Variants in CCDC146 observed in about 807,000 individuals in gnomAD.
The protein encoded by CCDC146 is coiled-coil domain containing 146.
CCDC146 carries 92 observed loss-of-function variants against 119.3 expected under a neutral mutation model. That is an observed-to-expected ratio of 0.77 (90% CI 0.65 to 0.92). CCDC146 has a LOEUF of 0.92. CCDC146 is among the 40% of genes least tolerant of loss of function. The probability of loss-of-function intolerance (pLI) is 0.00; values close to 1 mark genes in which losing one functional copy is unlikely to be tolerated. For missense variants in CCDC146, 1,000 were observed against 1,103.0 expected (o/e 0.91, Z 1.32); for synonymous variants, 372 against 371.8 (o/e 1.00, Z -0.01).
intron 17 of CCDC146, 72 bp from the exon 18 acceptor site, chr7:77,292,880 A>T (rs1793975603): frequency 1.3e-6 from 2 of 1,505,348 alleles, no homozygotes; most frequent in Non-Finnish European, 1.8e-6. Context: ...CATTATAGAC[A>T]GCCAGCAGCC....
At chr7:77,148,422 C>G (rs1246783547) in intron 1 of CCDC146, among the ~76,000 whole-genome samples, 1 of 152,082 alleles carries the variant, frequency 6.6e-6, no homozygotes, top group Non-Finnish European at 1.5e-5. Context: ...CTCTCCTGCC[C>G]CCACTGTTCA....
At chr7:77,244,915 A>G (rs1160016232) in intron 4 of CCDC146, among the ~76,000 whole-genome samples, 1 of 152,230 alleles carries the variant, frequency 6.6e-6, no homozygotes, top group Non-Finnish European at 1.5e-5. Context: ...AGACCAGCAC[A>G]ACAAACTCTT....
chr7:77,293,097 G>C lies in CCDC146; in HGVS notation c.2561G>C (p.Arg854Thr), dbSNP rs771042425. 40 of 1,614,144 alleles carry C rather than the reference G, an allele frequency of 2.5e-5. No individual in the cohort carries two copies. The highest frequency in any genetic ancestry group is 8.3e-5 in the Admixed American group (5 of 60,030). ...GACTTCATCTTCACTTGCAATTCCA[G>C]GATAGAAAAAGGTCTGCCACTCAAT... ...KEDFIFTCNS[R>T]IEKGLPLNKE... The change falls in exon 18 of 19, where the codon AGG (arginine) becomes ACG (threonine). Residue 854 changes from arginine (R) to threonine (T), a missense_variant. Physicochemically the swap from Arg to Thr is moderately conservative, Grantham distance 71. This residue lies in a region of CCDC146 where 985 missense variants were observed against 1,045.3 expected (regional missense o/e 0.94). Coordinates refer to ENST00000285871, the MANE Select transcript of CCDC146 (RefSeq NM_020879.3).
rs541319237 is a variant in CCDC146, at chr7:77,167,566, A to G, written c.-11-92A>G. 1.2e-5 allele frequency: 12 copies of G among 976,186 alleles called. No homozygotes were observed. In the African/African-American group the frequency reaches 1.4e-4, roughly 11 times the overall value. 60.5% of individuals were successfully genotyped at this position (976,186 alleles called of 1,614,324 possible). The stretch of plus-strand genomic sequence containing the variant: ...GTTTCATTGAACAATAGCTTATTCC[A>G]GTTTTTTGTTTATTTTTATTATTTT... On this transcript the variant is annotated intron_variant, in intron 1 of 18. Coordinates refer to ENST00000285871, the MANE Select transcript of CCDC146 (RefSeq NM_020879.3).
chr7:77,134,057 A>G (rs973864126), intron 1 of CCDC146, among the ~76,000 whole-genome samples: 2 of 152,148 alleles, frequency 1.3e-5, no homozygotes, highest in African/African-American at 2.4e-5. Context: ...TACCCTGCAT[A>G]AGAGAAAAGT....
chr7:77,203,279 T>G (rs139344817), intron 2 of CCDC146, among the ~76,000 whole-genome samples: 15 of 152,126 alleles, frequency 9.9e-5, no homozygotes, highest in African/African-American at 3.6e-4. Context: ...CTGATTGCAG[T>G]TAAATGATAG....
In CCDC146 at chr7:77,136,634, C is replaced by A. The variant is rs1276929403; in HGVS notation, c.-12+13902C>A. On this transcript the variant is annotated intron_variant, in intron 1 of 18. Coordinates refer to ENST00000285871, the MANE Select transcript of CCDC146 (RefSeq NM_020879.3). The stretch of plus-strand genomic sequence containing the variant: ...TTAAATAAATTGAATAAATAATAAC[C>A]TTCCAAAATAGGAAGCACAAAGTTC... Among the ~76,000 whole-genome samples, 9 of 152,116 alleles carry A rather than the reference C, an allele frequency of 5.9e-5. No homozygotes were observed. The East Asian group carries it at 1.7e-3, about 29-fold the overall frequency.
chr7:77,225,874 C>T (rs561738584), intron 2 of CCDC146, among the ~76,000 whole-genome samples: 11 of 151,844 alleles, frequency 7.2e-5, no homozygotes, highest in Admixed American at 6.6e-4. Flanking sequence ...ACCCTGGAGG[C>T]GGAGGTTGCA....
intron 4 of CCDC146, among the ~76,000 whole-genome samples, chr7:77,246,187 A>C (rs1792946646): frequency 6.6e-6 from 1 of 152,214 alleles, no homozygotes; most frequent in Non-Finnish European, 1.5e-5. Flanking sequence ...TCTATGCATA[A>C]ACACTTCCAG....
In CCDC146 at chr7:77,161,829, A is replaced by T. The variant is rs186074303; in HGVS notation, c.-11-5829A>T. On this transcript the variant is annotated intron_variant, in intron 1 of 18. Coordinates refer to ENST00000285871, the MANE Select transcript of CCDC146 (RefSeq NM_020879.3). ...AAAATTACTATCTTTTGTTTTTTCA[A>T]TCATAGCCATCCTAACAGGTGTGAG... Among the ~76,000 whole-genome samples, 323 of 152,148 alleles carry T rather than the reference A, an allele frequency of 2.1e-3. 5 individuals carry two copies. The highest frequency in any genetic ancestry group is 0.013 in the East Asian group (66 of 5,180).
intron 2 of CCDC146, among the ~76,000 whole-genome samples, chr7:77,202,478 C>T (rs1413548528): frequency 6.6e-6 from 1 of 152,210 alleles, no homozygotes; most frequent in East Asian, 1.9e-4. Flanking sequence ...GCACAGTTTC[C>T]CCTAAAAAGC....
intron 18 of CCDC146, among the ~76,000 whole-genome samples, chr7:77,294,048 G>A (rs1395924357): frequency 6.6e-6 from 1 of 152,156 alleles, no homozygotes; most frequent in Non-Finnish European, 1.5e-5. Flanking sequence ...GGGCTTTTCA[G>A]TGCAGTAAGT....
At chr7:77,156,259 G>C (rs1273799456) in intron 1 of CCDC146, among the ~76,000 whole-genome samples, 6 of 152,150 alleles carry the variant, frequency 3.9e-5, no homozygotes, top group African/African-American at 1.4e-4. Flanking sequence ...TTTGCTATTT[G>C]TGCGTTTGTG....
chr7:77,130,845 T>C (rs1584012090), intron 1 of CCDC146, among the ~76,000 whole-genome samples: 1 of 149,968 alleles, frequency 6.7e-6, no homozygotes, highest in Admixed American at 6.6e-5. Context: ...GATCCGCCCG[T>C]CTGGGCCTCC....
chr7:77,287,297 G>A, intron 16 of CCDC146, 143 bp from the exon 17 acceptor site: 1 of 789,032 alleles, frequency 1.3e-6, no homozygotes, highest in Non-Finnish European at 2.1e-6. Context: ...AGGGGCTGGG[G>A]CAGGGAAAGT....
intron 4 of CCDC146, among the ~76,000 whole-genome samples, chr7:77,248,400 G>T (rs1237742100): frequency 6.6e-6 from 1 of 152,174 alleles, no homozygotes; most frequent in African/African-American, 2.4e-5. Context: ...TAACAAAACT[G>T]CACTTGTATC....
intron 2 of CCDC146, among the ~76,000 whole-genome samples, chr7:77,185,916 G>C (rs1295545438): frequency 6.6e-6 from 1 of 152,168 alleles, no homozygotes; most frequent in East Asian, 1.9e-4. Flanking sequence ...GATCATGAGA[G>C]AAGTGCAAAT....
At chr7:77,124,284 TTATTAA>T (rs1272759724) in intron 1 of CCDC146, among the ~76,000 whole-genome samples, 43 of 152,150 alleles carry the variant, frequency 2.8e-4, no homozygotes, top group African/African-American at 8.4e-4. Context: ...ATGGAGAAAA[TTATTAA>T]TATTAAGATT....
At chr7:77,294,463 GGTGTGTGTGTGT>G (rs61323999) in intron 18 of CCDC146, among the ~76,000 whole-genome samples, 188 bp from the exon 19 acceptor site, 461 of 134,312 alleles carry the variant, frequency 3.4e-3, no homozygotes, top group African/African-American at 0.012. Context: ...ATGAGAGGTA[GGTGTGTGTGTGT>G]GTGTGTGTGT....
Sources: allele counts gnomAD v4.1 joint callset (sites outside exome capture counted in the v4.1 genomes callset), GRCh38; gene constraint gnomAD v4.1.1; regional missense constraint gnomAD v4.1.1; transcripts MANE v1.5; gene names NCBI Gene and HGNC (gene_info 2026-07-23, HGNC 2026-07-21).